Variants in C9 observed in about 807,000 individuals in gnomAD.
The protein encoded by C9 is complement component C9.
C9 carries 63 observed loss-of-function variants against 65.4 expected under a neutral mutation model. The ratio of observed to expected loss-of-function variants is 0.96; its 90% CI spans 0.79 to 1.19. The LOEUF (loss-of-function observed/expected upper bound fraction) is 1.19, where lower values mean the gene tolerates loss of function less well. Among genes scored for constraint, C9 ranks in the 50% most tolerant of loss-of-function variants. The pLI, the probability that C9 is intolerant of heterozygous loss-of-function variation, is 0.00. For synonymous variants in C9, 229 were observed against 227.9 expected, an observed-to-expected ratio of 1.00 and a Z score of -0.04; for missense variants, 744 against 670.1, an observed-to-expected ratio of 1.11 and a Z score of -1.22.
At chr5:39,333,127 A>G (rs1189242278) in intron 4 of C9, among the ~76,000 whole-genome samples, 2 of 152,186 alleles carry the variant, frequency 1.3e-5, no homozygotes, top group Non-Finnish European at 2.9e-5. Context: ...GAATATGAGA[A>G]AAAATAAAAA....
At chr5:39,334,574 T>C (rs1447074761) in intron 4 of C9, among the ~76,000 whole-genome samples, 1 of 126,208 alleles carries the variant, frequency 7.9e-6, no homozygotes, top group Non-Finnish European at 1.6e-5. Flanking sequence ...GGTGGGGGGG[T>C]CAGCCCCCCG....
At chr5:39,317,704 G>C (rs1753593489) in intron 5 of C9, among the ~76,000 whole-genome samples, 1 of 152,104 alleles carries the variant, frequency 6.6e-6, no homozygotes, top group Admixed American at 6.6e-5. Flanking sequence ...TGGTCTATGT[G>C]TCTGTTTTTG....
chr5:39,318,944 C>T (rs1579855388), intron 5 of C9, among the ~76,000 whole-genome samples: 1 of 152,146 alleles, frequency 6.6e-6, no homozygotes, highest in Non-Finnish European at 1.5e-5. Flanking sequence ...CAATCTCTCC[C>T]TAACTGTGTG....
At chr5:39,362,560 C>G (rs1754539917) in intron 1 of C9, among the ~76,000 whole-genome samples, 1 of 152,108 alleles carries the variant, frequency 6.6e-6, no homozygotes, top group South Asian at 2.1e-4. Context: ...AGCCATCCAG[C>G]TTGTGGTGCT....
chr5:39,316,143 G>C, intron 5 of C9, 114 bp from the exon 6 acceptor site: 1 of 842,938 alleles, frequency 1.2e-6, no homozygotes, highest in Non-Finnish European at 1.9e-6. Context: ...TAGAACAAAG[G>C]AGTTAAGAGC....
At chr5:39,306,455 C>A (rs1334870363) in intron 9 of C9, among the ~76,000 whole-genome samples, 162 bp downstream of exon 9, 1 of 152,094 alleles carries the variant, frequency 6.6e-6, no homozygotes, top group African/African-American at 2.4e-5. Flanking sequence ...TGACTCTACA[C>A]CATGCCTTTT....
At chr5:39,362,651 G>T (rs775270066) in intron 1 of C9, among the ~76,000 whole-genome samples, 1 of 152,100 alleles carries the variant, frequency 6.6e-6, no homozygotes, top group Non-Finnish European at 1.5e-5. Context: ...CAAGCAACCC[G>T]CCCAAAATGA....
At chr5:39,308,717 A>G (rs1372153739) in intron 7 of C9, among the ~76,000 whole-genome samples, 1 of 152,174 alleles carries the variant, frequency 6.6e-6, no homozygotes. Context: ...CCTTCTAAGC[A>G]TTTTGTGTGC....
At chr5:39,351,743 A>G (rs1206949725) in intron 1 of C9, among the ~76,000 whole-genome samples, 4 of 152,134 alleles carry the variant, frequency 2.6e-5, no homozygotes, top group Admixed American at 6.5e-5. Context: ...CATTGTCCAT[A>G]TCACTATCAG....
chr5:39,364,163 A>T (rs1754573357), intron 1 of C9, among the ~76,000 whole-genome samples: 2 of 152,198 alleles, frequency 1.3e-5, no homozygotes. Context: ...TTAACATTTG[A>T]GTGCCTTGTT....
chr5:39,307,323 T>C (rs927736077), intron 8 of C9, among the ~76,000 whole-genome samples: 2 of 152,200 alleles, frequency 1.3e-5, no homozygotes, highest in African/African-American at 4.8e-5. Context: ...CTTTTACAGC[T>C]GTGAATTTTT....
chr5:39,346,450 A>G lies in C9; in HGVS notation c.78-4254T>C, dbSNP rs1260789503. ...AATGGATAAATTCTTGGACACATAC[A>G]CTCTCCCAAGACTAAACCAGGAAGA... On this transcript the variant is annotated intron_variant, in intron 1 of 10. Transcript: ENST00000263408. Among the ~76,000 whole-genome samples, 9 of 152,194 alleles carry G rather than the reference A, an allele frequency of 5.9e-5. No homozygotes were observed. In the East Asian group the frequency reaches 1.7e-3, roughly 29 times the overall value.
intron 9 of C9, among the ~76,000 whole-genome samples, chr5:39,289,813 C>T (rs1224679357): frequency 6.6e-6 from 1 of 151,740 alleles, no homozygotes; most frequent in Non-Finnish European, 1.5e-5. Context: ...ATCTCCATTT[C>T]CCAGATGGAA....
chr5:39,308,177 A>G, intron 8 of C9, 53 bp downstream of exon 8: 1 of 1,537,596 alleles, frequency 6.5e-7, no homozygotes. Flanking sequence ...GGCAGTGCTC[A>G]TTGACATCTA....
At chr5:39,340,483 C>T (rs779206471) in intron 4 of C9, among the ~76,000 whole-genome samples, 7 of 152,146 alleles carry the variant, frequency 4.6e-5, no homozygotes, top group Non-Finnish European at 7.3e-5. Flanking sequence ...AGAATAGAAC[C>T]GAATCTCTCT....
intron 1 of C9, among the ~76,000 whole-genome samples, chr5:39,355,778 T>G (rs1754404644): frequency 6.6e-6 from 1 of 152,220 alleles, no homozygotes; most frequent in Non-Finnish European, 1.5e-5. Context: ...GATATGGTTG[T>G]GTTGACTCCT....
rs1579863322 is a variant in C9, at chr5:39,331,661, T to C, written c.615+15A>G. 2.5e-6 allele frequency: 4 copies of C among 1,613,234 alleles called. No individual in the cohort carries two copies. Among genetic ancestry groups the C allele is most frequent in the Non-Finnish European group, 1.7e-6 (2 of 1,179,148 alleles). On this transcript the variant is annotated intron_variant, in intron 5 of 10. Coordinates refer to ENST00000263408, the MANE Select transcript of C9 (RefSeq NM_001737.5). ...CCAAAAGTTGAACAATGTGTTTTCC[T>C]CCGAGGAGACTTACTTCATAGATCA...
chr5:39,362,651 G>A (rs775270066), intron 1 of C9, among the ~76,000 whole-genome samples: 3 of 152,100 alleles, frequency 2.0e-5, no homozygotes, highest in Non-Finnish European at 2.9e-5. Flanking sequence ...CAAGCAACCC[G>A]CCCAAAATGA....
chr5:39,360,651 G>A (rs991566430), intron 1 of C9, among the ~76,000 whole-genome samples: 1 of 151,978 alleles, frequency 6.6e-6, no homozygotes, highest in East Asian at 1.9e-4. Flanking sequence ...TGAATAGTTC[G>A]CGAAGAAAAA....
Sources: gnomAD v4.1 joint callset for allele counts (sites outside exome capture counted in the v4.1 genomes callset) on GRCh38, gnomAD v4.1.1 for gene constraint, MANE v1.5 for transcripts, NCBI Gene and HGNC (gene_info 2026-07-23, HGNC 2026-07-21) for gene names.